The following KDM1B variants were observed in gnomAD, a reference collection of about 807,000 sequenced individuals.
KDM1B encodes lysine demethylase 1B.
A neutral mutation model predicts 107.4 loss-of-function variants in KDM1B; 63 were observed. That is an observed-to-expected ratio of 0.59 (90% CI 0.48 to 0.72). The LOEUF is 0.72. Ranked by LOEUF, KDM1B falls within the 30% of genes least tolerant of loss-of-function variation. The pLI is 0.00. For synonymous variants in KDM1B, 363 were observed against 363.9 expected (o/e 1.00, Z 0.03); for missense variants, 749 against 1,020.8 (o/e 0.73, Z 3.63).
intron 6 of KDM1B, among the ~76,000 whole-genome samples, chr6:18,168,025 G>A (rs1234899047): frequency 1.3e-5 from 2 of 152,136 alleles, no homozygotes; most frequent in Admixed American, 6.5e-5. Flanking sequence ...CTCTCAAAGT[G>A]TTAGGATTAC....
chr6:18,157,573 T>C (rs1784704383), intron 2 of KDM1B, among the ~76,000 whole-genome samples: 3 of 152,092 alleles, frequency 2.0e-5, no homozygotes, highest in Admixed American at 1.3e-4. Context: ...ATATTTTTGC[T>C]ATAATACTTA....
intron 7 of KDM1B, among the ~76,000 whole-genome samples, chr6:18,174,076 G>A (rs1053791341): frequency 2.0e-5 from 3 of 152,126 alleles, no homozygotes; most frequent in African/African-American, 4.8e-5. Flanking sequence ...GAGCCACTGC[G>A]CCCGGCCCTA....
chr6:18,182,678 C>T (rs778672836), intron 7 of KDM1B, among the ~76,000 whole-genome samples: 3 of 151,996 alleles, frequency 2.0e-5, no homozygotes, highest in African/African-American at 7.3e-5. Context: ...CACAGGCACG[C>T]GACCATGCAC....
In KDM1B at chr6:18,200,673, T is replaced by C. The variant is rs1787973991; in HGVS notation, c.1359+97T>C. 1.8e-6 allele frequency: 2 copies of C among 1,095,726 alleles called. No individual in the cohort carries two copies. Among genetic ancestry groups the C allele is most frequent in the Non-Finnish European group, 2.6e-6 (2 of 778,266 alleles). 67.9% of individuals were successfully genotyped at this position (1,095,726 alleles called of 1,614,324 possible). On this transcript the variant is annotated intron_variant, in intron 13 of 21. Transcript: ENST00000650836. The surrounding 1 kb of genome is among the most constrained non-coding windows in gnomAD (Gnocchi z 4.3). ...TAATATGCTTCTAAAGTAAATTACATATAACAGCCCCCTCATCTCCTATGC... is the reference window on the plus strand; with the variant it reads ...TAATATGCTTCTAAAGTAAATTACACATAACAGCCCCCTCATCTCCTATGC...
At position 18,172,098 on chromosome 6, in the gene KDM1B, G is replaced by A. The variant is rs1397123342; in HGVS notation, c.534+619G>A. 6.6e-6 allele frequency among the ~76,000 whole-genome samples: 1 copy of A among 152,172 alleles called. No homozygotes were observed. Among genetic ancestry groups the A allele is most frequent in the Non-Finnish European group, 1.5e-5 (1 of 68,040 alleles). On this transcript the variant is annotated intron_variant, in intron 7 of 21. Transcript: ENST00000650836. The surrounding 1 kb of genome is among the most constrained non-coding windows in gnomAD (Gnocchi z 5.2). ...AAGAAAATATTTTACGACTGAGGAT[G>A]TTGCAACACTAAACAAAGCCGGATC...
chr6:18,197,543 T>A lies in KDM1B; in HGVS notation c.1147-44T>A. 1 of 1,470,862 alleles carries A rather than the reference T, an allele frequency of 6.8e-7. No individual in the cohort carries two copies. Among genetic ancestry groups the A allele is most frequent in the Non-Finnish European group, 9.5e-7 (1 of 1,052,258 alleles). The allele number at this position is 1,470,862 out of a possible 1,614,324, so 91.1% of individuals were successfully genotyped here. ...CCGGAACAACTAAAACAGGACGTTG[T>A]TATCATCTGCTCTAATTGGACTTTT... is the stretch of plus-strand genomic sequence containing the variant. On this transcript the variant is annotated intron_variant, in intron 11 of 21. Transcript: ENST00000650836. The surrounding 1 kb of genome is among the most constrained non-coding windows in gnomAD (Gnocchi z 4.5).
At position 18,201,770 on chromosome 6, in the gene KDM1B, T is replaced by A; in HGVS notation, c.1531+113T>A. 1 of 871,632 alleles carries A rather than the reference T, an allele frequency of 1.1e-6. No individual in the cohort carries two copies. Among genetic ancestry groups the A allele is most frequent in the Non-Finnish European group, 1.7e-6 (1 of 577,784 alleles). 54.0% of individuals were successfully genotyped at this position (871,632 alleles called of 1,614,324 possible). ...TCGGATGTCGGCAACAGGGTAGCCC[T>A]CCTGAGCATTTCTTTTGGACTGATG... On this transcript the variant is annotated intron_variant, in intron 14 of 21. Coordinates refer to ENST00000650836, the MANE Select transcript of KDM1B (RefSeq NM_001364614.2). This position sits in a 1 kb window ranked among gnomAD's most constrained non-coding sequence, Gnocchi z 4.3.
intron 4 of KDM1B, among the ~76,000 whole-genome samples, 195 bp downstream of exon 4, chr6:18,161,649 T>A (rs1384143827): frequency 1.3e-5 from 2 of 152,102 alleles, no homozygotes; most frequent in Non-Finnish European, 2.9e-5. Flanking sequence ...ATCCCTAGCC[T>A]ACTGGGAGAG....
At chr6:18,166,721 G>A (rs1044418905) in intron 6 of KDM1B, among the ~76,000 whole-genome samples, 3 of 151,858 alleles carry the variant, frequency 2.0e-5, no homozygotes, top group African/African-American at 7.3e-5. Context: ...AAGAATGGTG[G>A]CAGGTGTCTG....
At chr6:18,221,738 A>G (rs969521467) in intron 21 of KDM1B, among the ~76,000 whole-genome samples, 171 bp from the exon 22 acceptor site, 2 of 152,218 alleles carry the variant, frequency 1.3e-5, no homozygotes, top group African/African-American at 2.4e-5. Flanking sequence ...TTGACAATGC[A>G]TGGCCAGATA....
Position 18,187,977 on chromosome 6 carries a change from C to T in KDM1B, c.759C>T (p.His253=), listed in dbSNP as rs778475867. 1 of 1,550,516 alleles carries T rather than the reference C, an allele frequency of 6.4e-7. No individual in the cohort carries two copies. The highest frequency in any genetic ancestry group is 1.2e-5 in the South Asian group (1 of 84,062). ...ATGCCAGCCCTGGGAAGCTGGAGCA[C>T]TCCAAGGCTGCCCTCTCCGTGCACG... ...TGNASPGKLE[H]SKAALSVHVP... The change falls in exon 9 of 22, where the codon CAC becomes CAT. Residue 253 remains histidine, a synonymous_variant. Transcript: ENST00000650836.
At chr6:18,179,530 G>A (rs755163604) in intron 7 of KDM1B, among the ~76,000 whole-genome samples, 2 of 152,068 alleles carry the variant, frequency 1.3e-5, no homozygotes, top group Non-Finnish European at 2.9e-5. Flanking sequence ...TAAAAAGTTA[G>A]GAATTACAAA....
intron 7 of KDM1B, among the ~76,000 whole-genome samples, chr6:18,174,858 G>A (rs564630683): frequency 2.0e-5 from 3 of 152,248 alleles, no homozygotes; most frequent in South Asian, 2.1e-4. Flanking sequence ...GTACACATAC[G>A]CACACACTGC....
In KDM1B at chr6:18,223,477, T is replaced by TAA. The variant is rs35782090; in HGVS notation, c.*1487_*1488dup. On this transcript the variant is annotated 3_prime_UTR_variant, in exon 22 of 22. Transcript: ENST00000650836. ...GTACTGACTGGCAAGTATTCTGCTT[T>TAA]AAAGTATCATGTATTAAAATGTTTA... The TAA allele has an allele frequency of 1.3e-5, 2 of 152,094 alleles. No individual in the cohort carries two copies. The highest frequency in any genetic ancestry group is 4.8e-5 in the African/African-American group (2 of 41,394). The allele number at this position is 152,094 out of a possible 1,614,324, so 9.4% of individuals were successfully genotyped here. A position where few individuals can be genotyped will look rare whatever the true frequency, so the allele number is the denominator to read the frequency against.
rs1788702268 is a variant in KDM1B at position 18,209,849 on chromosome 6, T to C, written c.1866+1643T>C. On this transcript the variant is annotated intron_variant, in intron 17 of 21. Coordinates refer to ENST00000650836, the MANE Select transcript of KDM1B (RefSeq NM_001364614.2). This position sits in a 1 kb window ranked among gnomAD's most constrained non-coding sequence, Gnocchi z 4.3. ...GAACCTTGTCTGCAGTGACCTTTTC[T>C]GTAAGCTCTTAATAGGTTTTGCCTG... Among the ~76,000 whole-genome samples the C allele has an allele frequency of 2.0e-5, 3 of 152,180 alleles. No individual in the cohort carries two copies. The South Asian group carries it at 6.2e-4, about 31-fold the overall frequency.
intron 7 of KDM1B, among the ~76,000 whole-genome samples, chr6:18,183,752 A>G (rs1201032473): frequency 6.6e-6 from 1 of 152,068 alleles, no homozygotes; most frequent in Non-Finnish European, 1.5e-5. Context: ...TGATGCATCT[A>G]AGACTTTGGT....
intron 14 of KDM1B, among the ~76,000 whole-genome samples, chr6:18,202,538 G>C (rs1788107733): frequency 6.6e-6 from 1 of 152,068 alleles, no homozygotes; most frequent in Non-Finnish European, 1.5e-5. Flanking sequence ...TTACTGTATT[G>C]CTTCTTAAAT....
At position 18,223,507 on chromosome 6, in the gene KDM1B, G is replaced by C. The variant is rs1009210697; in HGVS notation, c.*1515G>C. 1 of 152,152 alleles carries C rather than the reference G, an allele frequency of 6.6e-6. No homozygotes were observed. The highest frequency in any genetic ancestry group is 6.5e-5 in the Admixed American group (1 of 15,268). 9.4% of individuals were successfully genotyped at this position (152,152 alleles called of 1,614,324 possible). On this transcript the variant is annotated 3_prime_UTR_variant, in exon 22 of 22. Coordinates refer to ENST00000650836, the MANE Select transcript of KDM1B (RefSeq NM_001364614.2). Reference sequence around the variant, plus strand: ...TATCATGTATTAAAATGTTTAGACAGCATGTGTTTTAAAGTGATAAATGCA... The same window carrying C: ...TATCATGTATTAAAATGTTTAGACACCATGTGTTTTAAAGTGATAAATGCA...
chr6:18,219,124 C>G (rs1281932828), intron 21 of KDM1B, among the ~76,000 whole-genome samples: 1 of 152,068 alleles, frequency 6.6e-6, no homozygotes, highest in East Asian at 1.9e-4. Context: ...GGATGGTCTC[C>G]ATCTCCTGAC....
Sources: gnomAD v4.1 joint callset for allele counts (sites outside exome capture counted in the v4.1 genomes callset) on GRCh38, gnomAD v4.1.1 for gene constraint, Gnocchi (gnomAD v3.1) non-coding constraint, MANE v1.5 for transcripts, NCBI Gene and HGNC (gene_info 2026-07-23, HGNC 2026-07-21) for gene names.